PTPRD: variants seen among roughly 807,000 people sequenced by gnomAD.
The protein encoded by PTPRD is receptor-type tyrosine-protein phosphatase delta.
A neutral mutation model predicts 214.5 loss-of-function variants in PTPRD; 34 were observed. That is an observed-to-expected ratio of 0.16 (90% confidence interval 0.12 to 0.21). The LOEUF (loss-of-function observed/expected upper bound fraction) is 0.21. PTPRD is among the 10% of genes least tolerant of loss of function. The pLI, the probability that PTPRD is intolerant of heterozygous loss-of-function variation, is 1.00. For missense variants in PTPRD, 2,545 were observed against 2,398.7 expected, an observed-to-expected ratio of 1.06 and a Z score of -1.27; for synonymous variants, 1,128 against 845.7, an observed-to-expected ratio of 1.33 and a Z score of -5.79.
intron 3 of PTPRD, among the ~76,000 whole-genome samples, chr9:10,150,141 G>A (rs529587459): frequency 1.7e-3 from 261 of 152,168 alleles, no homozygotes; most frequent in African/African-American, 5.8e-3. Context: ...CAGAAATTCC[G>A]AATATTTATG....
intron 8 of PTPRD, among the ~76,000 whole-genome samples, chr9:9,495,019 G>C (rs1320842516): frequency 6.6e-6 from 1 of 152,090 alleles, no homozygotes; most frequent in East Asian, 1.9e-4. Context: ...TCACATATTT[G>C]GTAAAATGAT....
chr9:10,430,511 C>A (rs1266462733), intron 2 of PTPRD, among the ~76,000 whole-genome samples: 1 of 151,720 alleles, frequency 6.6e-6, no homozygotes, highest in Non-Finnish European at 1.5e-5. Flanking sequence ...AAAATATTTT[C>A]ACTCTTTATA....
At chr9:10,508,996 T>A (rs1228298026) in intron 2 of PTPRD, among the ~76,000 whole-genome samples, 1 of 152,052 alleles carries the variant, frequency 6.6e-6, no homozygotes, top group Non-Finnish European at 1.5e-5. Context: ...AATGTCGATA[T>A]GTGTTTTTAG....
intron 8 of PTPRD, among the ~76,000 whole-genome samples, chr9:9,571,275 T>C (rs1375909995): frequency 1.3e-5 from 2 of 151,336 alleles, no homozygotes; most frequent in Non-Finnish European, 1.5e-5. Context: ...TTGGTGAAAA[T>C]TTTAAAACAA....
Position 8,976,506 on chromosome 9 carries a change from A to G in PTPRD, c.-104+42191T>C, listed in dbSNP as rs1340377737. On this transcript the variant is annotated intron_variant, in intron 11 of 45. Coordinates refer to ENST00000381196, the MANE Select transcript of PTPRD (RefSeq NM_002839.4). ...GTAAATAAAATGGAAAAACATATAT[A>G]AAGTTTGTGCTTCCACAGCCAATAC... Among the ~76,000 whole-genome samples the G allele has an allele frequency of 2.0e-5, 3 of 152,108 alleles. No individual in the cohort carries two copies. The East Asian group carries it at 5.8e-4, about 29-fold the overall frequency.
intron 6 of PTPRD, among the ~76,000 whole-genome samples, chr9:9,756,931 A>G (rs1192762598): frequency 6.6e-6 from 1 of 152,204 alleles, no homozygotes; most frequent in Non-Finnish European, 1.5e-5. Flanking sequence ...GTCGTTTTCA[A>G]ATTACTTTTT....
intron 10 of PTPRD, among the ~76,000 whole-genome samples, chr9:9,090,401 G>C (rs909697691): frequency 2.0e-5 from 3 of 152,080 alleles, no homozygotes; most frequent in Non-Finnish European, 4.4e-5. Context: ...ATTATTTTTT[G>C]ATGGTTGAAG....
In PTPRD at chr9:10,357,092, T is replaced by C. The variant is rs529285927; in HGVS notation, c.-599-16075A>G. Reference sequence around the variant, plus strand: ...TAAATTATATTAGTGTTTATGTCTTTAAAACAAAGCAGAAAACACTCCAAA... The same window carrying C: ...TAAATTATATTAGTGTTTATGTCTTCAAAACAAAGCAGAAAACACTCCAAA... On this transcript the variant is annotated intron_variant, in intron 2 of 45. Coordinates refer to ENST00000381196, the MANE Select transcript of PTPRD (RefSeq NM_002839.4). 1.3e-5 allele frequency among the ~76,000 whole-genome samples: 2 copies of C among 152,262 alleles called. 1 individual carries two copies. Among genetic ancestry groups the C allele is most frequent in the African/African-American group, 4.8e-5 (2 of 41,548 alleles).
intron 25 of PTPRD, among the ~76,000 whole-genome samples, chr9:8,498,452 A>C (rs544498340): frequency 6.6e-6 from 1 of 151,900 alleles, no homozygotes; most frequent in Admixed American, 6.6e-5. Context: ...TAATTTTTGT[A>C]TTTTTAGTAG....
At chr9:10,273,646 T>C (rs1196797776) in intron 3 of PTPRD, among the ~76,000 whole-genome samples, 2 of 152,050 alleles carry the variant, frequency 1.3e-5, no homozygotes, top group African/African-American at 2.4e-5. Context: ...TTGATAGAAA[T>C]AGAGAATGAC....
chr9:9,578,871 G>C (rs985445066), intron 7 of PTPRD, among the ~76,000 whole-genome samples: 1 of 152,060 alleles, frequency 6.6e-6, no homozygotes, highest in Non-Finnish European at 1.5e-5. Context: ...TACCAGGATA[G>C]GATAATATTA....
At position 10,093,437 on chromosome 9, in the gene PTPRD, TC is replaced by T. The variant is rs2098452363; in HGVS notation, c.-544-59648del. On this transcript the variant is annotated intron_variant, in intron 3 of 45. Transcript: ENST00000381196. ...AGTCAGAATGGCGATTCCTAAAAAG[TC>T]CAAAATTGATAGATCCTGGCATGGC... Among the ~76,000 whole-genome samples the T allele has an allele frequency of 5.3e-5, 8 of 151,268 alleles. No homozygotes were observed. In the Admixed American group the frequency reaches 5.3e-4, roughly 10 times the overall value.
chr9:10,117,185 T>C (rs181610190), intron 3 of PTPRD, among the ~76,000 whole-genome samples: 1 of 152,242 alleles, frequency 6.6e-6, no homozygotes, highest in East Asian at 1.9e-4. Flanking sequence ...AAAAGAATGA[T>C]ATGTAAAAGT....
At chr9:10,446,909 A>T (rs1200297351) in intron 2 of PTPRD, among the ~76,000 whole-genome samples, 1 of 152,186 alleles carries the variant, frequency 6.6e-6, no homozygotes, top group East Asian at 1.9e-4. Flanking sequence ...ACCTCCAGTT[A>T]TGCAGAATAT....
At chr9:10,586,138 A>T (rs987442958) in intron 2 of PTPRD, among the ~76,000 whole-genome samples, 1 of 152,026 alleles carries the variant, frequency 6.6e-6, no homozygotes, top group African/African-American at 2.4e-5. Context: ...GCATTCAAAA[A>T]TTTTTCTGAG....
At chr9:8,507,682 T>A (rs2097569797) in intron 21 of PTPRD, among the ~76,000 whole-genome samples, 1 of 152,174 alleles carries the variant, frequency 6.6e-6, no homozygotes, top group South Asian at 2.1e-4. Flanking sequence ...ATAAAGTATA[T>A]CGGCCTCTGA....
chr9:8,569,090 C>G (rs2090320063), intron 14 of PTPRD, among the ~76,000 whole-genome samples: 1 of 152,110 alleles, frequency 6.6e-6, no homozygotes, highest in Admixed American at 6.5e-5. Flanking sequence ...GAGGCTTCCT[C>G]TCCCAAACTA....
At chr9:10,330,583 C>T (rs2096731111) in intron 3 of PTPRD, among the ~76,000 whole-genome samples, 1 of 151,808 alleles carries the variant, frequency 6.6e-6, no homozygotes, top group African/African-American at 2.4e-5. Context: ...TTTATTGCAT[C>T]ACCTTAACTA....
At chr9:10,475,438 A>T in intron 2 of PTPRD, among the ~76,000 whole-genome samples, 1 of 152,098 alleles carries the variant, frequency 6.6e-6, no homozygotes, top group Non-Finnish European at 1.5e-5. Context: ...TAAACAAAGA[A>T]GTCGAATCCC....
Sources: allele counts gnomAD v4.1 joint callset (sites outside exome capture counted in the v4.1 genomes callset), GRCh38; gene constraint gnomAD v4.1.1; transcripts MANE v1.5; gene names NCBI Gene and HGNC (gene_info 2026-07-23, HGNC 2026-07-21).